CMTM4: variants seen among roughly 807,000 people sequenced by gnomAD.
CMTM4 encodes CKLF like MARVEL transmembrane domain containing 4.
Under a neutral mutation model 19.0 loss-of-function variants are expected in CMTM4, and 8 were observed. The ratio of observed to expected loss-of-function variants is 0.42; its 90% confidence interval spans 0.25 to 0.76. The LOEUF (loss-of-function observed/expected upper bound fraction) is 0.76, where lower values mean the gene tolerates loss of function less well. CMTM4 is among the 30% of genes least tolerant of loss of function. The pLI is 0.27. For synonymous variants in CMTM4, 106 were observed against 121.1 expected (o/e 0.88, Z 0.82); for missense variants, 228 against 290.2 (o/e 0.79, Z 1.56).
downstream of CMTM4, chr16:66,610,778 C>T (rs1188259482): frequency 2.5e-5 from 10 of 398,580 alleles, no homozygotes; most frequent in Non-Finnish European, 4.4e-5. The surrounding 1 kb of genome is among the most constrained non-coding windows in gnomAD (Gnocchi z 4.6). Context: ...CCTGCAGGCC[C>T]CACCCTGTGG....
chr16:66,638,377 T>C (rs879630029), intron 1 of CMTM4, among the ~76,000 whole-genome samples: 14 of 152,234 alleles, frequency 9.2e-5, no homozygotes, highest in Non-Finnish European at 1.0e-4. Flanking sequence ...CCTTTCCCAT[T>C]GTCAATACTT....
rs995081939 is a variant in CMTM4, at chr16:66,621,621, C to T, written c.*437G>A. The T allele has an allele frequency of 5.0e-6, 5 of 999,386 alleles. No individual in the cohort carries two copies. The highest frequency in any genetic ancestry group is 2.0e-4 in the East Asian group (2 of 9,922). The allele number at this position is 999,386 out of a possible 1,614,324, so 61.9% of individuals were successfully genotyped here. On this transcript the variant is annotated 3_prime_UTR_variant, in exon 4 of 4. Coordinates refer to ENST00000394106, the MANE Select transcript of CMTM4 (RefSeq NM_181521.3). ...TGGGCTGGATCCCAGCACGCAGACT[C>T]AACACTGACTTGGAGCAGGTGGTGC...
In CMTM4 at chr16:66,619,058, C is replaced by T; in HGVS notation, c.*3000G>A. 7 of 985,496 alleles carry T rather than the reference C, an allele frequency of 7.1e-6. No individual in the cohort carries two copies. The highest frequency in any genetic ancestry group is 8.4e-6 in the Non-Finnish European group (7 of 829,944). The allele number at this position is 985,496 out of a possible 1,614,324, so 61.0% of individuals were successfully genotyped here. On this transcript the variant is annotated 3_prime_UTR_variant, in exon 4 of 4. Coordinates refer to ENST00000394106, the MANE Select transcript of CMTM4 (RefSeq NM_181521.3). ...TGGCTGTTTACTTCAAATCAAACTTCTCTGACGAGATTTTAATCTGAAACT... is the reference window on the plus strand; with the variant it reads ...TGGCTGTTTACTTCAAATCAAACTTTTCTGACGAGATTTTAATCTGAAACT...
intron 2 of CMTM4, among the ~76,000 whole-genome samples, chr16:66,633,055 A>C (rs896253115): frequency 6.7e-6 from 1 of 148,478 alleles, no homozygotes; most frequent in African/African-American, 2.5e-5. Flanking sequence ...ACTGCATTCC[A>C]GCCTGGGCAA....
intron 1 of CMTM4, among the ~76,000 whole-genome samples, chr16:66,689,969 T>A (rs1234106315): frequency 6.6e-6 from 1 of 152,214 alleles, no homozygotes; most frequent in African/African-American, 2.4e-5. Flanking sequence ...TTTAACAACT[T>A]CTTTTGAGAT....
At chr16:66,695,860 A>G (rs891987395) in intron 1 of CMTM4, among the ~76,000 whole-genome samples, 2 of 152,144 alleles carry the variant, frequency 1.3e-5, no homozygotes, top group African/African-American at 2.4e-5. Flanking sequence ...ATACTTACTA[A>G]GCGCCTACCA....
chr16:66,667,396 T>C (rs1233444655), intron 1 of CMTM4, among the ~76,000 whole-genome samples: 1 of 152,144 alleles, frequency 6.6e-6, no homozygotes, highest in African/African-American at 2.4e-5. Context: ...GAAGGTTTTA[T>C]AAAGCAATGA....
intron 1 of CMTM4, among the ~76,000 whole-genome samples, chr16:66,663,325 T>C (rs763325509): frequency 2.0e-5 from 3 of 152,060 alleles, no homozygotes; most frequent in Non-Finnish European, 2.9e-5. Flanking sequence ...AATTATCAGA[T>C]TGTAAAGCAG....
chr16:66,651,106 A>T (rs529657968), intron 1 of CMTM4, among the ~76,000 whole-genome samples: 1 of 152,342 alleles, frequency 6.6e-6, no homozygotes, highest in East Asian at 1.9e-4. Flanking sequence ...CAGAATGTGC[A>T]GAACAGAGAA....
intron 1 of CMTM4, among the ~76,000 whole-genome samples, chr16:66,664,527 G>A (rs890009448): frequency 6.6e-6 from 1 of 151,992 alleles, no homozygotes; most frequent in Non-Finnish European, 1.5e-5. Context: ...GAGGGTAAAG[G>A]GACCTATGTA....
the CMTM4 span, chr16:66,609,458 G>T: frequency 1.9e-6 from 3 of 1,612,864 alleles, no homozygotes; most frequent in Non-Finnish European, 2.5e-6. The surrounding 1 kb of genome is among the most constrained non-coding windows in gnomAD (Gnocchi z 4.4). Context: ...GTGTCACCGC[G>T]GCCCTCATCT....
At chr16:66,604,729 A>C in the CMTM4 span, 1 of 1,122,258 alleles carries the variant, frequency 8.9e-7, no homozygotes, top group Admixed American at 4.4e-5. Context: ...CCTTCCGCAC[A>C]GCCCGGGTTT....
chr16:66,629,119 C>G lies in CMTM4; in HGVS notation c.364-5617G>C, dbSNP rs139037245. Among the ~76,000 whole-genome samples, 499 of 152,242 alleles carry G rather than the reference C, an allele frequency of 3.3e-3. 1 individual carries two copies. The highest frequency in any genetic ancestry group is 0.011 in the African/African-American group (441 of 41,546). Reference sequence around the variant, plus strand: ...TAAGTCAGCATCAAGCACTTGAGTTCCTGGGCCATGAAACAAATCAAGGCT... The same window carrying G: ...TAAGTCAGCATCAAGCACTTGAGTTGCTGGGCCATGAAACAAATCAAGGCT... On this transcript the variant is annotated intron_variant, in intron 2 of 3. Transcript: ENST00000394106.
At chr16:66,603,905 C>G in the CMTM4 span, 1 of 152,178 alleles carries the variant, frequency 6.6e-6, no homozygotes, top group Admixed American at 6.5e-5. Flanking sequence ...AAGGACAACC[C>G]GCAGGTCTCC....
At chr16:66,657,205 C>G (rs1400730106) in intron 1 of CMTM4, among the ~76,000 whole-genome samples, 1 of 151,842 alleles carries the variant, frequency 6.6e-6, no homozygotes, top group Non-Finnish European at 1.5e-5. Context: ...CTGCCTCAGC[C>G]TCCTGAGTAT....
Position 66,617,238 on chromosome 16 carries a change from AATAG to A in CMTM4, c.*4816_*4819del. ...CATAGACAACAAACTTACCCTATGA[AATAG>A]ATACACAGTTCAAGGACCCATCATC... is the stretch of plus-strand genomic sequence containing the variant. On this transcript the variant is annotated 3_prime_UTR_variant, in exon 4 of 4. Coordinates refer to ENST00000394106, the MANE Select transcript of CMTM4 (RefSeq NM_181521.3). The A allele has an allele frequency of 6.3e-7, 1 of 1,594,026 alleles. No individual in the cohort carries two copies. Among genetic ancestry groups the A allele is most frequent in the East Asian group, 2.2e-5 (1 of 44,708 alleles).
At chr16:66,664,863 C>G (rs1249541047) in intron 1 of CMTM4, among the ~76,000 whole-genome samples, 1 of 152,092 alleles carries the variant, frequency 6.6e-6, no homozygotes, top group African/African-American at 2.4e-5. Context: ...CATGGTGGCT[C>G]ACACCTGTAA....
intron 2 of CMTM4, 78 bp downstream of exon 2, chr16:66,636,327 C>T: frequency 8.5e-7 from 1 of 1,178,860 alleles, no homozygotes; most frequent in Non-Finnish European, 1.2e-6. Flanking sequence ...CCAAACATGA[C>T]CTGGAGAGAT....
chr16:66,695,509 G>A (rs952728059), intron 1 of CMTM4, among the ~76,000 whole-genome samples: 3 of 152,196 alleles, frequency 2.0e-5, no homozygotes, highest in African/African-American at 7.2e-5. Context: ...CTAAGCAATT[G>A]CCCGCAGAGG....
Sources: allele counts gnomAD v4.1 joint callset (sites outside exome capture counted in the v4.1 genomes callset), GRCh38; gene constraint gnomAD v4.1.1; non-coding constraint Gnocchi (gnomAD v3.1); transcripts MANE v1.5; gene names NCBI Gene and HGNC (gene_info 2026-07-23, HGNC 2026-07-21).